Variants in ACTR3C observed in about 807,000 individuals in gnomAD.
ACTR3C encodes actin related protein 3C.
ACTR3C carries 18 observed loss-of-function variants against 26.3 expected under a neutral mutation model. The ratio of observed to expected loss-of-function variants is 0.68; its 90% CI spans 0.47 to 1.01. ACTR3C has a LOEUF of 1.01. Among genes scored for constraint, ACTR3C ranks in the 50% least tolerant of loss-of-function variants. ACTR3C has a pLI of 0.00. For missense variants in ACTR3C, 184 were observed against 250.7 expected, an observed-to-expected ratio of 0.73 and a Z score of 1.80; for synonymous variants, 55 against 94.5, an observed-to-expected ratio of 0.58 and a Z score of 2.42.
chr7:150,247,646 G>A (rs960084426), intron 7 of ACTR3C, 77 bp from the exon 8 acceptor site: 2 of 138,860 alleles, frequency 1.4e-5, no homozygotes, highest in African/African-American at 5.5e-5. Flanking sequence ...TAAGGTTAAT[G>A]TAGTTTTGAT....
chr7:150,111,918 ACAT>A, the ACTR3C span, among the ~76,000 whole-genome samples: 2 of 151,798 alleles, frequency 1.3e-5, no homozygotes, highest in East Asian at 3.9e-4. Context: ...TCACTTCCAT[ACAT>A]CATCGCTCTC....
chr7:150,226,420 T>A, the ACTR3C span, among the ~76,000 whole-genome samples: 55 of 152,184 alleles, frequency 3.6e-4, no homozygotes, highest in Non-Finnish European at 4.6e-4. Flanking sequence ...TAGTACCTCA[T>A]TGCTTTTTGT....
At chr7:149,978,897 G>A in the ACTR3C span, among the ~76,000 whole-genome samples, 1,138 of 145,094 alleles carry the variant, frequency 7.8e-3, no homozygotes, top group African/African-American at 0.03. Flanking sequence ...GCCCTAAAGC[G>A]GACTGTTCGG....
chr7:150,226,272 A>G, the ACTR3C span, among the ~76,000 whole-genome samples: 3 of 151,846 alleles, frequency 2.0e-5, no homozygotes, highest in Non-Finnish European at 2.9e-5. Flanking sequence ...GGAAACCATT[A>G]AACTGCCTTC....
At chr7:150,272,694 T>G (rs796459859) in intron 6 of ACTR3C, among the ~76,000 whole-genome samples, 2 of 124,842 alleles carry the variant, frequency 1.6e-5, no homozygotes, top group African/African-American at 4.3e-5. Flanking sequence ...TTTTTGGTTT[T>G]TTTTTTTTTT....
At chr7:150,038,550 A>C in the ACTR3C span, among the ~76,000 whole-genome samples, 12 of 145,372 alleles carry the variant, frequency 8.3e-5, no homozygotes, top group Non-Finnish European at 1.5e-4. Flanking sequence ...ACAGCTCCTA[A>C]GAATTCTCTC....
chr7:150,203,930 T>G, the ACTR3C span, among the ~76,000 whole-genome samples: 1 of 151,800 alleles, frequency 6.6e-6, no homozygotes, highest in East Asian at 1.9e-4. Flanking sequence ...CAGCCCAAGG[T>G]GACCTGTTAC....
At chr7:149,951,847 G>A in the ACTR3C span, among the ~76,000 whole-genome samples, 2 of 150,406 alleles carry the variant, frequency 1.3e-5, no homozygotes, top group Admixed American at 6.6e-5. Context: ...ATTTTGGGAG[G>A]CATCTTAGAA....
chr7:149,991,793 C>T, the ACTR3C span, among the ~76,000 whole-genome samples: 1 of 152,220 alleles, frequency 6.6e-6, no homozygotes, highest in Admixed American at 6.5e-5. Flanking sequence ...TGCAGTGGTG[C>T]AATCATGGCT....
chr7:150,084,579 G>A, the ACTR3C span, among the ~76,000 whole-genome samples: 2 of 152,194 alleles, frequency 1.3e-5, no homozygotes, highest in Non-Finnish European at 2.9e-5. Context: ...GGGCAGAGGA[G>A]CAAAGGCACT....
intron 6 of ACTR3C, among the ~76,000 whole-genome samples, chr7:150,264,054 G>A (rs964981497): frequency 7.2e-5 from 11 of 152,150 alleles, no homozygotes; most frequent in African/African-American, 2.7e-4. Context: ...TTTCCTGAGC[G>A]CCGGGAGAGC....
At chr7:149,970,390 C>A in the ACTR3C span, among the ~76,000 whole-genome samples, 1 of 151,960 alleles carries the variant, frequency 6.6e-6, no homozygotes, top group South Asian at 2.1e-4. Flanking sequence ...ACATGTTTAG[C>A]TGATCTACCA....
chr7:150,284,935 T>C (rs1310523564), intron 5 of ACTR3C, 90 bp from the exon 6 acceptor site: 3 of 1,155,480 alleles, frequency 2.6e-6, no homozygotes, highest in Non-Finnish European at 3.5e-6. Flanking sequence ...TTAACAAATA[T>C]ACAATTTATT....
At chr7:149,995,208 A>AT in the ACTR3C span, among the ~76,000 whole-genome samples, 2 of 152,172 alleles carry the variant, frequency 1.3e-5, no homozygotes, top group East Asian at 1.9e-4. Flanking sequence ...AATGTAAAGG[A>AT]TTTTTTTGCC....
chr7:149,972,273 C>G, the ACTR3C span, among the ~76,000 whole-genome samples: 1 of 152,382 alleles, frequency 6.6e-6, no homozygotes, highest in African/African-American at 2.4e-5. Context: ...TTCTTCCACT[C>G]TGTTTGCAAG....
the ACTR3C span, among the ~76,000 whole-genome samples, chr7:150,080,874 C>A: frequency 6.6e-6 from 1 of 152,224 alleles, no homozygotes; most frequent in Admixed American, 6.5e-5. Flanking sequence ...AAAGTTGGGG[C>A]ATAAGTGCAG....
intron 1 of ACTR3C, among the ~76,000 whole-genome samples, chr7:150,306,836 T>G (rs1795842039): frequency 3.3e-5 from 5 of 152,124 alleles, no homozygotes; most frequent in Admixed American, 3.3e-4. Flanking sequence ...TGAAAACAAT[T>G]TAATGGTTCC....
chr7:150,321,093 A>T (rs184888057), intron 1 of ACTR3C, among the ~76,000 whole-genome samples: 2 of 152,220 alleles, frequency 1.3e-5, no homozygotes, highest in East Asian at 3.9e-4. Flanking sequence ...TTCAGCAAAA[A>T]TCCCCTACCC....
the ACTR3C span, among the ~76,000 whole-genome samples, chr7:149,929,579 T>C: frequency 1.4e-5 from 2 of 141,394 alleles, no homozygotes; most frequent in African/African-American, 5.4e-5. Flanking sequence ...GTCACCAGGC[T>C]GGAGTGCAGT....
Sources: allele counts gnomAD v4.1 joint callset (sites outside exome capture counted in the v4.1 genomes callset), GRCh38; gene constraint gnomAD v4.1.1; transcripts MANE v1.5; gene names NCBI Gene and HGNC (gene_info 2026-07-23, HGNC 2026-07-21).